The following CENPK variants were observed in gnomAD, a reference collection of about 807,000 sequenced individuals.
CENPK encodes SoxLZ/Sox6-binding protein Solt.
In CENPK, 46 loss-of-function variants were observed where a neutral mutation model predicts 40.9. That is an observed-to-expected ratio of 1.13 (90% confidence interval 0.89 to 1.44). The LOEUF is 1.44. Among genes scored for constraint, CENPK ranks in the 40% most tolerant of loss-of-function variants. CENPK has a pLI of 0.00. For missense variants in CENPK, 288 were observed against 303.5 expected (o/e 0.95, Z 0.38); for synonymous variants, 107 against 104.4 (o/e 1.02, Z -0.15).
chr5:65,538,778 C>T (rs1053265088), intron 6 of CENPK, among the ~76,000 whole-genome samples: 2 of 152,142 alleles, frequency 1.3e-5, no homozygotes, highest in African/African-American at 4.8e-5. Flanking sequence ...AGTCAAGAGC[C>T]TCACTAGTTT....
At chr5:65,509,893 G>A in the CENPK span, among the ~76,000 whole-genome samples, 2 of 152,184 alleles carry the variant, frequency 1.3e-5, no homozygotes, top group Non-Finnish European at 2.9e-5. Context: ...TGTAATCACA[G>A]ATCAGTGTAA....
At chr5:65,542,754 C>A in intron 6 of CENPK, 48 bp downstream of exon 6, 1 of 1,380,274 alleles carries the variant, frequency 7.2e-7, no homozygotes, top group East Asian at 2.3e-5. Flanking sequence ...TAAAATAGAT[C>A]TAGTTAGAAA....
chr5:65,524,128 C>T (rs983709400), intron 9 of CENPK, among the ~76,000 whole-genome samples: 3 of 151,966 alleles, frequency 2.0e-5, no homozygotes, highest in Admixed American at 6.6e-5. Context: ...GTAATCCTAG[C>T]ACTTTGCGAG....
At chr5:65,514,747 T>C (rs536538018), downstream of CENPK, among the ~76,000 whole-genome samples, 13 of 152,246 alleles carry the variant, frequency 8.5e-5, no homozygotes, top group Non-Finnish European at 1.5e-4. Context: ...TTTATAAGTT[T>C]ATGCAAGGCA....
At chr5:65,535,437 G>A (rs1463942181) in intron 6 of CENPK, among the ~76,000 whole-genome samples, 1 of 152,148 alleles carries the variant, frequency 6.6e-6, no homozygotes, top group Non-Finnish European at 1.5e-5. Flanking sequence ...GGGTCACATG[G>A]CACCAGCTTG....
At chr5:65,549,887 C>T (rs1225648862) in intron 5 of CENPK, among the ~76,000 whole-genome samples, 1 of 152,134 alleles carries the variant, frequency 6.6e-6, no homozygotes, top group Admixed American at 6.5e-5. Flanking sequence ...TTCACTAGAG[C>T]AACATCTTTA....
intron 10 of CENPK, among the ~76,000 whole-genome samples, chr5:65,521,027 T>A (rs887287812): frequency 1.3e-5 from 2 of 152,184 alleles, no homozygotes; most frequent in African/African-American, 4.8e-5. Flanking sequence ...TGTTATTTTT[T>A]AAAAATTGTA....
At chr5:65,506,029 A>C in the CENPK span, among the ~76,000 whole-genome samples, 20 of 152,174 alleles carry the variant, frequency 1.3e-4, no homozygotes, top group Non-Finnish European at 2.6e-4. Context: ...TGGAATCTGT[A>C]ATTAATTCAA....
chr5:65,511,732 T>C, the CENPK span, among the ~76,000 whole-genome samples: 1 of 152,102 alleles, frequency 6.6e-6, no homozygotes, highest in Non-Finnish European at 1.5e-5. Flanking sequence ...ATGTGAGGGA[T>C]CTAGGTTGCA....
At chr5:65,499,667 A>T in the CENPK span, among the ~76,000 whole-genome samples, 444 of 109,054 alleles carry the variant, frequency 4.1e-3, 1 homozygote, top group East Asian at 0.014. Flanking sequence ...TTTTTTTTTA[A>T]TTTTTTTTTT....
At chr5:65,525,404 G>A (rs1198709607) in intron 9 of CENPK, among the ~76,000 whole-genome samples, 1 of 151,512 alleles carries the variant, frequency 6.6e-6, no homozygotes, top group Non-Finnish European at 1.5e-5. Context: ...TTTATTATTA[G>A]CATTTACAAA....
downstream of CENPK, among the ~76,000 whole-genome samples, chr5:65,513,050 T>C (rs1742632400): frequency 6.6e-6 from 1 of 152,206 alleles, no homozygotes; most frequent in Non-Finnish European, 1.5e-5. Flanking sequence ...TTTTAAAGAG[T>C]TCATTGTATA....
chr5:65,550,116 C>T (rs1339516814), intron 5 of CENPK, among the ~76,000 whole-genome samples: 3 of 141,950 alleles, frequency 2.1e-5, no homozygotes, highest in South Asian at 4.5e-4. Flanking sequence ...TGCACTGAGC[C>T]GAGATCACAC....
downstream of CENPK, among the ~76,000 whole-genome samples, chr5:65,515,423 G>A (rs769915679): frequency 1.4e-4 from 21 of 151,988 alleles, no homozygotes; most frequent in Admixed American, 3.3e-4. Flanking sequence ...GGATGGTCTC[G>A]ATCTCCTGAC....
intron 5 of CENPK, among the ~76,000 whole-genome samples, chr5:65,547,874 C>T (rs188730789): frequency 6.6e-6 from 1 of 152,264 alleles, no homozygotes; most frequent in Non-Finnish European, 1.5e-5. Flanking sequence ...CCGTGTTAGC[C>T]AGGATGGTCT....
At chr5:65,541,367 T>C (rs1181348735) in intron 6 of CENPK, 1 of 456,000 alleles carries the variant, frequency 2.2e-6, no homozygotes, top group African/African-American at 2.0e-5. Context: ...CCAAGTAGAT[T>C]ATGTCAGAAC....
intron 6 of CENPK, among the ~76,000 whole-genome samples, chr5:65,535,144 G>C (rs1746631450): frequency 1.3e-5 from 2 of 151,702 alleles, no homozygotes; most frequent in African/African-American, 2.4e-5. Flanking sequence ...TTAAGTAGGA[G>C]AATCCCTTAA....
At chr5:65,504,162 TA>T in the CENPK span, among the ~76,000 whole-genome samples, 1,843 of 151,388 alleles carry the variant, frequency 0.012, 24 homozygotes, top group Middle Eastern at 0.048. Flanking sequence ...TATATTTTTT[TA>T]AAAAAAACCT....
intron 6 of CENPK, among the ~76,000 whole-genome samples, chr5:65,535,049 C>G (rs1444313273): frequency 2.4e-4 from 37 of 152,134 alleles, no homozygotes; most frequent in Non-Finnish European, 2.9e-5. Context: ...AATCCCATCT[C>G]TACAAAAAAA....
Sources: gnomAD v4.1 joint callset for allele counts (sites outside exome capture counted in the v4.1 genomes callset) on GRCh38, gnomAD v4.1.1 for gene constraint, MANE v1.5 for transcripts, NCBI Gene and HGNC (gene_info 2026-07-23, HGNC 2026-07-21) for gene names.